The following FMO2 variants were observed in gnomAD, a reference collection of about 807,000 sequenced individuals.
FMO2 encodes flavin-containing monooxygenase 2.
In FMO2, 33 loss-of-function variants were observed where a neutral mutation model predicts 41.6. The observed-to-expected ratio is 0.79, with a 90% CI of 0.60 to 1.06. The LOEUF (loss-of-function observed/expected upper bound fraction) is 1.06, where lower values mean the gene tolerates loss of function less well. FMO2 is among the 50% of genes least tolerant of loss of function. The probability of loss-of-function intolerance (pLI) is 0.00; values close to 1 mark genes in which losing one functional copy is unlikely to be tolerated. For synonymous variants in FMO2, 214 were observed against 219.6 expected (o/e 0.97, Z 0.23); for missense variants, 619 against 632.9 (o/e 0.98, Z 0.23).
At chr1:171,207,540 C>G (rs1571294394) in intron 7 of FMO2, 178 bp from the exon 8 acceptor site, 1 of 573,492 alleles carries the variant, frequency 1.7e-6, no homozygotes, top group East Asian at 3.0e-5. Context: ...GACTGTGCAC[C>G]CTGGACAGTG....
intron 2 of FMO2, among the ~76,000 whole-genome samples, chr1:171,191,783 G>A (rs960376005): frequency 1.3e-5 from 2 of 151,070 alleles, no homozygotes; most frequent in African/African-American, 4.9e-5. Flanking sequence ...CAGCACTTTA[G>A]GGTGTTGAGG....
chr1:171,196,538 A>G, intron 3 of FMO2, 111 bp from the exon 4 acceptor site: 1 of 865,424 alleles, frequency 1.2e-6, no homozygotes, highest in South Asian at 1.6e-5. Context: ...TTAACAGATT[A>G]GTCCCACTGC....
intron 5 of FMO2, among the ~76,000 whole-genome samples, chr1:171,200,144 A>G (rs576512745): frequency 6.6e-6 from 1 of 152,280 alleles, no homozygotes; most frequent in East Asian, 1.9e-4. Flanking sequence ...AGTTACCCAA[A>G]TATTATGAAA....
chr1:171,187,433 G>C (rs568426366), intron 2 of FMO2, among the ~76,000 whole-genome samples: 1 of 152,184 alleles, frequency 6.6e-6, no homozygotes, highest in South Asian at 2.1e-4. Context: ...TGAATCTCAT[G>C]CCAACAGCGA....
At chr1:171,193,093 C>T (rs1288195516) in intron 2 of FMO2, among the ~76,000 whole-genome samples, 1 of 152,092 alleles carries the variant, frequency 6.6e-6, no homozygotes, top group Non-Finnish European at 1.5e-5. Flanking sequence ...TCCCTGTCCC[C>T]AACCTCACCA....
intron 5 of FMO2, 137 bp from the exon 6 acceptor site, chr1:171,203,728 T>C (rs749445881): frequency 9.7e-6 from 7 of 721,354 alleles, no homozygotes; most frequent in South Asian, 1.8e-5. Context: ...GGAGGTACTT[T>C]ACATTGAGGT....
chr1:171,189,216 T>C (rs28369820), intron 2 of FMO2, among the ~76,000 whole-genome samples: 1 of 141,942 alleles, frequency 7.0e-6, no homozygotes, highest in Non-Finnish European at 1.5e-5. Flanking sequence ...ATGTACATTT[T>C]TTTTCCTGTG....
intron 2 of FMO2, 68 bp from the exon 3 acceptor site, chr1:171,193,267 A>T: frequency 9.9e-7 from 1 of 1,009,866 alleles, no homozygotes; most frequent in Non-Finnish European, 1.5e-6. Context: ...GGTTAGATGT[A>T]GGAAGAGTAA....
In FMO2 at chr1:171,189,654, C is replaced by CTTTTTTTTTTTTTTTTTTTTTTTTTTTT. The variant is rs199536748; in HGVS notation, c.133-3677_133-3676insTTTTTTTTTTTTTTTTTTTTTTTTTTTT. On this transcript the variant is annotated intron_variant, in intron 2 of 8. Transcript: ENST00000209929. The stretch of plus-strand genomic sequence containing the variant: ...ACAGAAATCTGAGCCCGTCTTTTTT[C>CTTTTTTTTTTTTTTTTTTTTTTTTTTTT]TTTTCTTTTTTTTTTTTTTTTTGAG... Among the ~76,000 whole-genome samples the CTTTTTTTTTTTTTTTTTTTTTTTTTTTT allele has an allele frequency of 3.3e-5, 4 of 122,774 alleles. 1 individual carries two copies. The highest frequency in any genetic ancestry group is 9.3e-5 in the Admixed American group (1 of 10,810). 80.5% of individuals were successfully genotyped at this position (122,774 alleles called of 152,430 possible).
At chr1:171,196,281 G>A (rs1658309030) in intron 3 of FMO2, among the ~76,000 whole-genome samples, 1 of 152,174 alleles carries the variant, frequency 6.6e-6, no homozygotes, top group Non-Finnish European at 1.5e-5. Flanking sequence ...TCTGAGATTG[G>A]ACAGTTACTG....
intron 2 of FMO2, among the ~76,000 whole-genome samples, chr1:171,188,035 T>TC (rs963571423): frequency 7.3e-5 from 6 of 82,758 alleles, no homozygotes; most frequent in African/African-American, 4.4e-4. Flanking sequence ...CTGGAATTTT[T>TC]TTTTTTTTTT....
At chr1:171,201,718 A>C (rs1442815900) in intron 5 of FMO2, among the ~76,000 whole-genome samples, 1 of 152,224 alleles carries the variant, frequency 6.6e-6, no homozygotes, top group Non-Finnish European at 1.5e-5. Context: ...TAATTTATAA[A>C]GAAAAGAGGT....
Position 171,212,591 on chromosome 1 carries a change from A to T in FMO2, c.*3446A>T, listed in dbSNP as rs893960486. Among the ~76,000 whole-genome samples the T allele has an allele frequency of 1.3e-5, 2 of 152,232 alleles. No homozygotes were observed. Among genetic ancestry groups the T allele is most frequent in the African/African-American group, 2.4e-5 (1 of 41,462 alleles). ...GCACACTTGTTCTTTACAGAAAAAT[A>T]AAGATATTTTAAACAAAATACTAGG... On this transcript the variant is annotated 3_prime_UTR_variant, in exon 9 of 9. Coordinates refer to ENST00000209929, the MANE Select transcript of FMO2 (RefSeq NM_001460.5).
rs944626288 is a variant in FMO2, at chr1:171,208,859, T to A, written c.1322T>A (p.Leu441Ter). The change falls in exon 9 of 9, where the codon TTA becomes TAA. Residue 441 changes from leucine (L) to a stop codon, truncating the protein, a stop_gained. Coordinates refer to ENST00000209929, the MANE Select transcript of FMO2 (RefSeq NM_001460.5). LOFTEE classifies it low-confidence loss of function (END_TRUNC). ...NYVDYLDELA[L>*]EIGAKPDFCS... Reference sequence around the variant, plus strand: ...GTTGACTACTTGGACGAGCTCGCCTTAGAGATAGGTGCGAAGCCAGATTTC... The same window carrying A: ...GTTGACTACTTGGACGAGCTCGCCTAAGAGATAGGTGCGAAGCCAGATTTC... The A allele has an allele frequency of 6.2e-7, 1 of 1,613,860 alleles. No individual in the cohort carries two copies. The highest frequency in any genetic ancestry group is 1.3e-5 in the African/African-American group (1 of 74,918).
Position 171,199,499 on chromosome 1 carries a change from C to T in FMO2, c.627+11C>T, listed in dbSNP as rs769376751. 6.3e-7 allele frequency: 1 copy of T among 1,589,102 alleles called. No individual in the cohort carries two copies. Among genetic ancestry groups the T allele is most frequent in the South Asian group, 1.2e-5 (1 of 85,828 alleles). On this transcript the variant is annotated intron_variant, in intron 5 of 8. Transcript: ENST00000209929. ...AAGAATGCTGCTCAGGTGTGATGCTCTCTGCTTACCATGTACCTGGAGGGG... is the reference window on the plus strand; with the variant it reads ...AAGAATGCTGCTCAGGTGTGATGCTTTCTGCTTACCATGTACCTGGAGGGG...
intron 4 of FMO2, among the ~76,000 whole-genome samples, chr1:171,197,016 C>A (rs1323708503): frequency 6.6e-6 from 1 of 152,178 alleles, no homozygotes; most frequent in Non-Finnish European, 1.5e-5. Flanking sequence ...GATCTCAGAG[C>A]CAACTTCCTT....
In FMO2 at chr1:171,203,866, T is replaced by A. The variant is rs142177103; in HGVS notation, c.629T>A (p.Val210Asp). The A allele has an allele frequency of 1.1e-5, 18 of 1,613,182 alleles. No individual in the cohort carries two copies. The African/African-American group carries it at 2.0e-4, about 18-fold the overall frequency. ...ACTGCATTTCTTTTTGCTTGCCAGG[T>A]TTTTATCAGCACCAGGCATGGCACC... ...AVELSKNAAQVFISTRHGTWV... is the reference protein window; with the variant it reads ...AVELSKNAAQDFISTRHGTWV... The change falls in exon 6 of 9, where the codon GTT (valine) becomes GAT (aspartate). Residue 210 changes from valine to aspartate, a missense_variant and splice_region_variant. Transcript: ENST00000209929.
rs1163418104 is a variant in FMO2 at position 171,185,324 on chromosome 1, C to G, written c.-42C>G. The G allele has an allele frequency of 6.4e-6, 1 of 155,164 alleles. No individual in the cohort carries two copies. Among genetic ancestry groups the G allele is most frequent in the Non-Finnish European group, 1.4e-5 (1 of 69,972 alleles). The allele number at this position is 155,164 out of a possible 1,614,324, so 9.6% of individuals were successfully genotyped here. ...CACACAACCAAGGGAGAAAACTATTCTGTCAAAGAGACGGTGCCAAAAGGC... is the reference window on the plus strand; with the variant it reads ...CACACAACCAAGGGAGAAAACTATTGTGTCAAAGAGACGGTGCCAAAAGGC... On this transcript the variant is annotated 5_prime_UTR_variant, in exon 1 of 9. Transcript: ENST00000209929.
In FMO2 at chr1:171,199,478, A is replaced by T. The variant is rs756805991; in HGVS notation, c.617A>T (p.Asn206Ile). The change falls in exon 5 of 9, where the codon AAT becomes ATT. Residue 206 changes from asparagine (N) to isoleucine (I), a missense_variant. Coordinates refer to ENST00000209929, the MANE Select transcript of FMO2 (RefSeq NM_001460.5). ...GATATTGCTGTTGAGCTGAGTAAGA[A>T]TGCTGCTCAGGTGTGATGCTCTCTG... is the stretch of plus-strand genomic sequence containing the variant. ...GSDIAVELSK[N>I]AAQVFISTRH... 3 of 1,610,862 alleles carry T rather than the reference A, an allele frequency of 1.9e-6. No individual in the cohort carries two copies. Among genetic ancestry groups the T allele is most frequent in the South Asian group, 1.1e-5 (1 of 90,344 alleles).
Sources: gnomAD v4.1 joint callset for allele counts (sites outside exome capture counted in the v4.1 genomes callset) on GRCh38, gnomAD v4.1.1 for gene constraint, MANE v1.5 for transcripts, NCBI Gene and HGNC (gene_info 2026-07-23, HGNC 2026-07-21) for gene names.